The following MRAS variants were observed in gnomAD, a reference collection of about 807,000 sequenced individuals.
MRAS encodes muscle RAS oncogene homolog, also known as ras-related protein M-Ras.
A neutral mutation model predicts 20.9 loss-of-function variants in MRAS; 4 were observed. That is an observed-to-expected ratio of 0.19 (90% confidence interval 0.09 to 0.44). The LOEUF (loss-of-function observed/expected upper bound fraction) is 0.44. Ranked by LOEUF, MRAS falls within the 20% of genes least tolerant of loss-of-function variation. MRAS has a pLI of 0.99. For synonymous variants in MRAS, 98 were observed against 102.9 expected (o/e 0.95, Z 0.29); for missense variants, 154 against 277.5 (o/e 0.56, Z 3.16).
At chr3:138,397,939 T>C (rs1023903624) in intron 3 of MRAS, among the ~76,000 whole-genome samples, 5 of 152,220 alleles carry the variant, frequency 3.3e-5, no homozygotes, top group African/African-American at 1.2e-4. Flanking sequence ...CAAAGAAATA[T>C]AGGGAAAATA....
At chr3:138,365,612 A>G (rs934640178) in intron 1 of MRAS, among the ~76,000 whole-genome samples, 1 of 152,230 alleles carries the variant, frequency 6.6e-6, no homozygotes, top group African/African-American at 2.4e-5. Flanking sequence ...CTTGGGTAAT[A>G]GAGATCTCCA....
At chr3:138,400,002 T>G (rs527836778) in intron 4 of MRAS, among the ~76,000 whole-genome samples, 1 of 152,350 alleles carries the variant, frequency 6.6e-6, no homozygotes, top group African/African-American at 2.4e-5. Context: ...TAAACATGGC[T>G]GAGCTCCCAG....
rs144164038 is a variant in MRAS, at chr3:138,391,892, C to T, written c.194-5432C>T. 5.1e-3 allele frequency among the ~76,000 whole-genome samples: 772 copies of T among 152,304 alleles called. 4 individuals carry two copies. The highest frequency in any genetic ancestry group is 0.016 in the African/African-American group (649 of 41,550). On this transcript the variant is annotated intron_variant, in intron 2 of 5. Coordinates refer to ENST00000423968, the MANE Select transcript of MRAS (RefSeq NM_001085049.3). ...CGGTGGCTTACGCCTGTAATCCCAGCACTTTGGGAGGCCGAGGCAGGTGGA... is the reference window on the plus strand; with the variant it reads ...CGGTGGCTTACGCCTGTAATCCCAGTACTTTGGGAGGCCGAGGCAGGTGGA...
At chr3:138,372,694 C>G (rs2054699866) in intron 1 of MRAS, among the ~76,000 whole-genome samples, 172 bp from the exon 2 acceptor site, 1 of 152,232 alleles carries the variant, frequency 6.6e-6, no homozygotes, top group Admixed American at 6.5e-5. Context: ...TAACAGTGGA[C>G]TGTCTCTGGC....
intron 2 of MRAS, among the ~76,000 whole-genome samples, chr3:138,388,610 A>C (rs1413842573): frequency 2.0e-5 from 3 of 152,138 alleles, no homozygotes; most frequent in Non-Finnish European, 4.4e-5. Flanking sequence ...GAGGCATGAG[A>C]ATCACTTGAA....
intron 1 of MRAS, among the ~76,000 whole-genome samples, chr3:138,368,581 A>G (rs1180243807): frequency 6.6e-6 from 1 of 152,200 alleles, no homozygotes; most frequent in Non-Finnish European, 1.5e-5. Context: ...AGTCTACCTT[A>G]TACCACCTTC....
upstream of MRAS, chr3:138,347,936 A>G (rs2054151055): frequency 6.6e-6 from 1 of 152,192 alleles, no homozygotes; most frequent in African/African-American, 2.4e-5. Context: ...GTGTTGAATT[A>G]TATCTTTATT....
At chr3:138,391,325 T>C (rs1163340599) in intron 2 of MRAS, among the ~76,000 whole-genome samples, 2 of 152,238 alleles carry the variant, frequency 1.3e-5, no homozygotes, top group Non-Finnish European at 2.9e-5. Context: ...TTCTCAACTG[T>C]GATTTCTGCT....
At chr3:138,363,809 T>C (rs942833529) in intron 1 of MRAS, among the ~76,000 whole-genome samples, 1 of 128,790 alleles carries the variant, frequency 7.8e-6, no homozygotes, top group Admixed American at 8.2e-5. Context: ...TGTGACCTGT[T>C]AGAGGATTTA....
intron 2 of MRAS, among the ~76,000 whole-genome samples, chr3:138,394,092 T>G (rs2055184424): frequency 6.7e-6 from 1 of 148,870 alleles, no homozygotes; most frequent in African/African-American, 2.5e-5. Flanking sequence ...AATTTTTTTT[T>G]TTTTCTAAGA....
chr3:138,374,480 T>G (rs2054742010), intron 2 of MRAS, among the ~76,000 whole-genome samples: 1 of 152,262 alleles, frequency 6.6e-6, no homozygotes, highest in South Asian at 2.1e-4. Flanking sequence ...ATCTTTTTTG[T>G]AGATTCTGCT....
chr3:138,364,588 A>G (rs541761333), intron 1 of MRAS, among the ~76,000 whole-genome samples: 1 of 152,332 alleles, frequency 6.6e-6, no homozygotes, highest in African/African-American at 2.4e-5. Flanking sequence ...GTAGGACCAC[A>G]GGGAAATGGG....
chr3:138,349,883 C>T (rs1439698213), intron 1 of MRAS: 2 of 152,184 alleles, frequency 1.3e-5, no homozygotes, highest in African/African-American at 4.8e-5. Context: ...TGACAAGACA[C>T]CTCTTGACAA....
At chr3:138,388,628 G>A (rs1314284737) in intron 2 of MRAS, among the ~76,000 whole-genome samples, 1 of 152,102 alleles carries the variant, frequency 6.6e-6, no homozygotes, top group East Asian at 1.9e-4. Context: ...GAACCCAGCA[G>A]GCAGAGGTTG....
At chr3:138,389,025 A>T (rs1005768560) in intron 2 of MRAS, among the ~76,000 whole-genome samples, 1 of 151,942 alleles carries the variant, frequency 6.6e-6, no homozygotes, top group African/African-American at 2.4e-5. Flanking sequence ...TATTTTTAGT[A>T]GAGACTGGGT....
rs544651263 is a variant in MRAS, at chr3:138,402,539, G to A, written c.*270G>A. On this transcript the variant is annotated 3_prime_UTR_variant, in exon 6 of 6. Coordinates refer to ENST00000423968, the MANE Select transcript of MRAS (RefSeq NM_001085049.3). ...GCCCCCCCATGTGTTGATTCAACCC[G>A]GTTCCTCCCCCTCTCTCGGTGGGTG... 58 of 402,072 alleles carry A rather than the reference G, an allele frequency of 1.4e-4. No homozygotes were observed. Among genetic ancestry groups the A allele is most frequent in the African/African-American group, 3.9e-4 (19 of 48,766 alleles). The allele number at this position is 402,072 out of a possible 1,614,324, so 24.9% of individuals were successfully genotyped here. A position where few individuals can be genotyped will look rare whatever the true frequency, so the allele number is the denominator to read the frequency against.
intron 2 of MRAS, among the ~76,000 whole-genome samples, chr3:138,375,398 G>A (rs2054763379): frequency 6.6e-6 from 1 of 152,206 alleles, no homozygotes; most frequent in Non-Finnish European, 1.5e-5. Context: ...CATAGAACGA[G>A]TTTTATTCAA....
intron 1 of MRAS, among the ~76,000 whole-genome samples, chr3:138,350,651 T>A (rs2054208460): frequency 6.6e-6 from 1 of 152,236 alleles, no homozygotes; most frequent in Non-Finnish European, 1.5e-5. Flanking sequence ...TGTTTTCACC[T>A]ACATAAGACA....
At chr3:138,375,139 A>G (rs1249008813) in intron 2 of MRAS, among the ~76,000 whole-genome samples, 1 of 152,104 alleles carries the variant, frequency 6.6e-6, no homozygotes, top group Non-Finnish European at 1.5e-5. Flanking sequence ...CTTCCATTTC[A>G]GCCTCCCAAA....
Sources: allele counts gnomAD v4.1 joint callset (sites outside exome capture counted in the v4.1 genomes callset), GRCh38; gene constraint gnomAD v4.1.1; transcripts MANE v1.5; gene names NCBI Gene and HGNC (gene_info 2026-07-23, HGNC 2026-07-21).